The following ESS2 variants were observed in gnomAD, a reference collection of about 807,000 sequenced individuals.
ESS2 encodes the protein ess-2 spliceosome associated protein.
Under a neutral mutation model 52.0 loss-of-function variants are expected in ESS2, and 31 were observed. The observed-to-expected ratio is 0.60, with a 90% CI of 0.45 to 0.81. The LOEUF is 0.81. Among genes scored for constraint, ESS2 ranks in the 30% least tolerant of loss-of-function variants. The pLI is 0.00. For missense variants in ESS2, 602 were observed against 637.2 expected (o/e 0.94, Z 0.59); for synonymous variants, 285 against 259.2 (o/e 1.10, Z -0.95).
In ESS2 at chr22:19,139,655, G is replaced by C. The variant is rs764421774; in HGVS notation, c.645C>G (p.Thr215=). 12 of 1,614,058 alleles carry C rather than the reference G, an allele frequency of 7.4e-6. No homozygotes were observed. In the Admixed American group the frequency reaches 1.0e-4, roughly 13 times the overall value. The change falls in exon 5 of 10, where the codon ACC becomes ACG. Residue 215 remains threonine (T), a synonymous_variant. Coordinates refer to ENST00000252137, the MANE Select transcript of ESS2 (RefSeq NM_022719.3). ...AIESSQASVE[T]WKYKAKNSLM... ...GGGAATTCTTGGCCTTGTACTTCCA[G>C]GTCTCCACACTGGCCTGGCTGCTCT... is the stretch of plus-strand genomic sequence containing the variant.
rs748885568 is a variant in ESS2 at position 19,131,661 on chromosome 22, A to G, written c.*2535T>C. 1.8e-5 allele frequency: 29 copies of G among 1,613,968 alleles called. No individual in the cohort carries two copies. In the East Asian group the frequency reaches 4.0e-4, roughly 22 times the overall value. Reference sequence around the variant, plus strand: ...TGAGACCTCTGACGGACGGATCTACATCATCATGGAGCTTGGCGTCCAGGG... The same window carrying G: ...TGAGACCTCTGACGGACGGATCTACGTCATCATGGAGCTTGGCGTCCAGGG... On this transcript the variant is annotated 3_prime_UTR_variant, in exon 10 of 10. Transcript: ENST00000252137. The surrounding 1 kb of genome is among the most constrained non-coding windows in gnomAD (Gnocchi z 5.7).
intron 3 of ESS2, 147 bp downstream of exon 3, chr22:19,142,391 C>T: frequency 1.4e-6 from 1 of 731,232 alleles, no homozygotes. Context: ...GACCAATGTC[C>T]TTTGACTTCA....
At chr22:19,142,510 G>A in intron 3 of ESS2, 28 bp downstream of exon 3, 1 of 1,568,486 alleles carries the variant, frequency 6.4e-7, no homozygotes, top group Non-Finnish European at 8.6e-7. Context: ...TCCTGACCAT[G>A]TGACTTAAAG....
chr22:19,135,865 A>C (rs1013783738), intron 8 of ESS2, among the ~76,000 whole-genome samples: 1 of 150,828 alleles, frequency 6.6e-6, no homozygotes, highest in Non-Finnish European at 1.5e-5. Flanking sequence ...TCATTTCTAC[A>C]CACACACACA....
chr22:19,139,892 T>G lies in ESS2; in HGVS notation c.533A>C (p.His178Pro). ...TTCCTCAGCCTGGTAGAGCCAAGCG[T>G]GGCGTGCCCGGCTTCTCTCCTTGGC... ...EVAKERSRARHAWLYQAEEEF... is the reference protein window; with the variant it reads ...EVAKERSRARPAWLYQAEEEF... The change falls in exon 4 of 10, where the codon CAC becomes CCC. Residue 178 changes from histidine to proline, a missense_variant. His to Pro is a moderately conservative substitution (Grantham distance 77, BLOSUM62 -2). Coordinates refer to ENST00000252137, the MANE Select transcript of ESS2 (RefSeq NM_022719.3). The G allele has an allele frequency of 6.2e-7, 1 of 1,614,138 alleles. No individual in the cohort carries two copies. The highest frequency in any genetic ancestry group is 8.5e-7 in the Non-Finnish European group (1 of 1,180,022).
At chr22:19,140,863 C>A (rs1019980456) in intron 3 of ESS2, among the ~76,000 whole-genome samples, 1 of 152,236 alleles carries the variant, frequency 6.6e-6, no homozygotes. Flanking sequence ...ATCTCTGAGA[C>A]CTGCAGAAGT....
chr22:19,138,441 G>A (rs567745877), intron 6 of ESS2, 124 bp from the exon 7 acceptor site: 5 of 939,286 alleles, frequency 5.3e-6, no homozygotes, highest in African/African-American at 1.6e-5. Flanking sequence ...CTGGGGCTCT[G>A]GGGTTGGCAG....
In ESS2 at chr22:19,132,628, C is replaced by T. The variant is rs1205005539; in HGVS notation, c.*1568G>A. On this transcript the variant is annotated 3_prime_UTR_variant, in exon 10 of 10. Transcript: ENST00000252137. This position sits in a 1 kb window ranked among gnomAD's most constrained non-coding sequence, Gnocchi z 4.2. ...TTAAACCACTATTTTGATTACGTTC[C>T]ATTAGCTTTCTTCCACTTAGCAGCA... 6 of 758,424 alleles carry T rather than the reference C, an allele frequency of 7.9e-6. No individual in the cohort carries two copies. The highest frequency in any genetic ancestry group is 1.3e-5 in the Non-Finnish European group (6 of 456,906). 47.0% of individuals were successfully genotyped at this position (758,424 alleles called of 1,614,324 possible).
Position 19,138,378 on chromosome 22 carries a change from G to A in ESS2, c.823-61C>T, listed in dbSNP as rs751843280. 1.2e-5 allele frequency: 18 copies of A among 1,480,540 alleles called. No individual in the cohort carries two copies. The East Asian group carries it at 3.7e-4, about 31-fold the overall frequency. The allele number at this position is 1,480,540 out of a possible 1,614,324, so 91.7% of individuals were successfully genotyped here. A position where few individuals can be genotyped will look rare whatever the true frequency, so the allele number is the denominator to read the frequency against. Reference sequence around the variant, plus strand: ...GCAGCCCACGCTCGACAGCTGGCCGGTGGGCAAACACGTGGGAACATGCTG... The same window carrying A: ...GCAGCCCACGCTCGACAGCTGGCCGATGGGCAAACACGTGGGAACATGCTG... On this transcript the variant is annotated intron_variant, in intron 6 of 9. Coordinates refer to ENST00000252137, the MANE Select transcript of ESS2 (RefSeq NM_022719.3).
intron 1 of ESS2, among the ~76,000 whole-genome samples, chr22:19,143,642 G>A (rs1650962774): frequency 6.6e-6 from 1 of 152,148 alleles, no homozygotes; most frequent in Non-Finnish European, 1.5e-5. Context: ...GATCACCTGA[G>A]GTCAGGAGTT....
intron 1 of ESS2, 38 bp from the exon 2 acceptor site, chr22:19,142,932 C>A (rs181405022): frequency 1.9e-6 from 3 of 1,586,506 alleles, no homozygotes; most frequent in African/African-American, 1.3e-5. Flanking sequence ...AGAGGCCAGG[C>A]GCGGTGGCTC....
In ESS2 at chr22:19,141,272, T is replaced by C. The variant is rs141155841; in HGVS notation, c.401-1248A>G. On this transcript the variant is annotated intron_variant, in intron 3 of 9. Coordinates refer to ENST00000252137, the MANE Select transcript of ESS2 (RefSeq NM_022719.3). ...TAAAGCAAAAAGTATCATGTTTGCA[T>C]GTTTGTGCAAACACACAACACATCT... 1.2e-3 allele frequency among the ~76,000 whole-genome samples: 185 copies of C among 152,378 alleles called. 2 individuals carry two copies. The highest frequency in any genetic ancestry group is 8.7e-4 in the Non-Finnish European group (59 of 68,034).
intron 7 of ESS2, 78 bp from the exon 8 acceptor site, chr22:19,137,510 C>G: frequency 8.7e-7 from 1 of 1,155,216 alleles, no homozygotes; most frequent in South Asian, 1.5e-5. Flanking sequence ...GCTTGTTCAC[C>G]CAATGTGCAT....
intron 3 of ESS2, among the ~76,000 whole-genome samples, chr22:19,141,325 A>G (rs989213704): frequency 5.9e-5 from 9 of 152,204 alleles, no homozygotes; most frequent in Non-Finnish European, 1.3e-4. Context: ...TGGAGTCTAC[A>G]AACTGATAAG....
At chr22:19,134,575 A>C in intron 9 of ESS2, 100 bp from the exon 10 acceptor site, 5 of 1,283,240 alleles carry the variant, frequency 3.9e-6, no homozygotes, top group Non-Finnish European at 5.2e-6. Context: ...GGGCAGAGAC[A>C]CAGTCACTCT....
rs2083503865 is a variant in ESS2 at position 19,131,335 on chromosome 22, C to A, written c.*2861G>T. On this transcript the variant is annotated 3_prime_UTR_variant, in exon 10 of 10. Transcript: ENST00000252137. This position sits in a 1 kb window ranked among gnomAD's most constrained non-coding sequence, Gnocchi z 5.7. ...ACGCCTCCGGTAGTGTAAATGAGGACAATGCCTGCTGGCCCACATGACGGG... is the reference window on the plus strand; with the variant it reads ...ACGCCTCCGGTAGTGTAAATGAGGAAAATGCCTGCTGGCCCACATGACGGG... 7.0e-7 allele frequency: 1 copy of A among 1,431,310 alleles called. No homozygotes were observed. The allele number at this position is 1,431,310 out of a possible 1,614,324, so 88.7% of individuals were successfully genotyped here.
At position 19,132,049 on chromosome 22, in the gene ESS2, A is replaced by G. The variant is rs977680438; in HGVS notation, c.*2147T>C. The G allele has an allele frequency of 6.2e-7, 1 of 1,613,892 alleles. No homozygotes were observed. Among genetic ancestry groups the G allele is most frequent in the African/African-American group, 1.3e-5 (1 of 74,880 alleles). ...ATGGTCTGCGGCTCCATGCCCTATG[A>G]CGACTCCGACATCAGGAAGATGCTG... On this transcript the variant is annotated 3_prime_UTR_variant, in exon 10 of 10. Coordinates refer to ENST00000252137, the MANE Select transcript of ESS2 (RefSeq NM_022719.3). The surrounding 1 kb of genome is among the most constrained non-coding windows in gnomAD (Gnocchi z 4.2).
chr22:19,133,961 C>G lies in ESS2; in HGVS notation c.*235G>C, dbSNP rs1176967267. 3 of 418,926 alleles carry G rather than the reference C, an allele frequency of 7.2e-6. No homozygotes were observed. The highest frequency in any genetic ancestry group is 8.2e-6 in the Non-Finnish European group (2 of 244,562). The allele number at this position is 418,926 out of a possible 1,614,324, so 26.0% of individuals were successfully genotyped here. On this transcript the variant is annotated 3_prime_UTR_variant, in exon 10 of 10. Coordinates refer to ENST00000252137, the MANE Select transcript of ESS2 (RefSeq NM_022719.3). ...ACTGTACCTAGGTGTTCTTTAATGA[C>G]AGTTCAAGGGGCCAATTAAACAGCA...
In ESS2 at chr22:19,144,632, C is replaced by A. The variant is rs567188005; in HGVS notation, c.9G>T (p.Thr3=). The change falls in exon 1 of 10, where the codon ACG becomes ACT. Residue 3 remains threonine (T), a synonymous_variant. Coordinates refer to ENST00000252137, the MANE Select transcript of ESS2 (RefSeq NM_022719.3). ME[T]PGASASSLLL... Reference sequence around the variant, plus strand: ...ACAAGGACGACGCTGATGCGCCCGGCGTCTCCATCGCTATCCCAGGAAAAA... The same window carrying A: ...ACAAGGACGACGCTGATGCGCCCGGAGTCTCCATCGCTATCCCAGGAAAAA... 3.3e-6 allele frequency: 5 copies of A among 1,522,902 alleles called. No homozygotes were observed. In the Admixed American group the frequency reaches 1.0e-4, roughly 31 times the overall value. The allele number at this position is 1,522,902 out of a possible 1,614,324, so 94.3% of individuals were successfully genotyped here.
Sources: allele counts gnomAD v4.1 joint callset (sites outside exome capture counted in the v4.1 genomes callset), GRCh38; gene constraint gnomAD v4.1.1; non-coding constraint Gnocchi (gnomAD v3.1); transcripts MANE v1.5; gene names NCBI Gene and HGNC (gene_info 2026-07-23, HGNC 2026-07-21).